The following KIF26B variants were observed in gnomAD, a reference collection of about 807,000 sequenced individuals.
KIF26B encodes kinesin-like protein KIF26B.
A neutral mutation model predicts 151.2 loss-of-function variants in KIF26B; 63 were observed. The ratio of observed to expected loss-of-function variants is 0.42; its 90% CI spans 0.34 to 0.51. The LOEUF (loss-of-function observed/expected upper bound fraction) is 0.51, where lower values mean the gene tolerates loss of function less well. Among genes scored for constraint, KIF26B ranks in the 20% least tolerant of loss-of-function variants. KIF26B has a pLI of 0.07. For synonymous variants in KIF26B, 1,357 were observed against 1,262.1 expected, an observed-to-expected ratio of 1.08 and a Z score of -1.59; for missense variants, 2,813 against 2,913.6, an observed-to-expected ratio of 0.97 and a Z score of 0.79.
chr1:245,595,234 T>C (rs927749037), intron 5 of KIF26B, among the ~76,000 whole-genome samples: 10 of 152,220 alleles, frequency 6.6e-5, no homozygotes, highest in African/African-American at 2.4e-4. Context: ...CATTCTTGTA[T>C]TGTGCTGGTT....
rs2043410124 is a variant in KIF26B, at chr1:245,602,721, G to A, written c.1495G>A (p.Gly499Ser). The change falls in exon 6 of 15, where the codon GGC becomes AGC. Residue 499 changes from glycine (G) to serine (S), a missense_variant. By Grantham distance (56) the Gly-to-Ser change is moderately conservative. Transcript: ENST00000407071. This position sits in a 1 kb window ranked among gnomAD's most constrained non-coding sequence, Gnocchi z 4.5. ...CGGQNAFQKR[G>S]NQVPPKMFAF... is the part of the protein sequence containing the mutation. Reference sequence around the variant, plus strand: ...AGGTCAAAATGCCTTCCAAAAGAGAGGCAACCAGGTTCCTCCAAAGATGTT... The same window carrying A: ...AGGTCAAAATGCCTTCCAAAAGAGAAGCAACCAGGTTCCTCCAAAGATGTT... 6.2e-7 allele frequency: 1 copy of A among 1,613,936 alleles called. No individual in the cohort carries two copies. The highest frequency in any genetic ancestry group is 1.3e-5 in the African/African-American group (1 of 74,932).
rs1672307678 is a variant in KIF26B, at chr1:245,340,129, G to T, written c.466-26705G>T. 2.0e-5 allele frequency among the ~76,000 whole-genome samples: 3 copies of T among 152,148 alleles called. No homozygotes were observed. In the South Asian group the frequency reaches 6.2e-4, roughly 32 times the overall value. On this transcript the variant is annotated intron_variant, in intron 2 of 14. Coordinates refer to ENST00000407071, the MANE Select transcript of KIF26B (RefSeq NM_018012.4). ...AGCTGAGCTAGAGTCTCATTGGAGG[G>T]TACAATTGTCTCTGAGTATCAGTGG... is the stretch of plus-strand genomic sequence containing the variant.
At chr1:245,311,554 A>C (rs535837560) in intron 2 of KIF26B, among the ~76,000 whole-genome samples, 1 of 151,890 alleles carries the variant, frequency 6.6e-6, no homozygotes, top group South Asian at 2.1e-4. Flanking sequence ...GTGAGCAGAG[A>C]TCACACCACT....
intron 2 of KIF26B, among the ~76,000 whole-genome samples, chr1:245,255,119 C>T (rs1670509009): frequency 6.6e-5 from 10 of 152,194 alleles, no homozygotes; most frequent in Admixed American, 6.5e-4. Flanking sequence ...TAGCCTCCTT[C>T]TCTTGCTCTC....
intron 4 of KIF26B, among the ~76,000 whole-genome samples, chr1:245,500,345 C>A (rs1460985970): frequency 6.6e-6 from 1 of 152,168 alleles, no homozygotes; most frequent in East Asian, 1.9e-4. Context: ...CAAACTGATT[C>A]TGAAATAAGA....
At chr1:245,341,940 A>G (rs1672342692) in intron 2 of KIF26B, among the ~76,000 whole-genome samples, 1 of 152,182 alleles carries the variant, frequency 6.6e-6, no homozygotes, top group South Asian at 2.1e-4. Context: ...TTAGCATGAC[A>G]TTGTATCACA....
At chr1:245,661,018 A>C in intron 10 of KIF26B, among the ~76,000 whole-genome samples, 1 of 140,396 alleles carries the variant, frequency 7.1e-6, no homozygotes. Context: ...ACAGAGTCTC[A>C]CTCTGTTGTC....
intron 2 of KIF26B, among the ~76,000 whole-genome samples, chr1:245,288,034 G>T (rs533272284): frequency 6.6e-6 from 1 of 151,502 alleles, no homozygotes; most frequent in Non-Finnish European, 1.5e-5. Context: ...GCAGAATCAA[G>T]TTCCATATAC....
intron 2 of KIF26B, among the ~76,000 whole-genome samples, chr1:245,254,503 T>G (rs143544928): frequency 6.6e-6 from 1 of 152,328 alleles, no homozygotes; most frequent in African/African-American, 2.4e-5. Flanking sequence ...TGATGACTTA[T>G]TTTTGAAAGG....
At chr1:245,311,909 G>A (rs1030086130) in intron 2 of KIF26B, among the ~76,000 whole-genome samples, 2 of 152,210 alleles carry the variant, frequency 1.3e-5, no homozygotes, top group African/African-American at 4.8e-5. Context: ...CAGCCTGGGC[G>A]ACAGAGCAAG....
At chr1:245,336,709 A>G (rs6668500) in intron 2 of KIF26B, among the ~76,000 whole-genome samples, 43,154 of 151,786 alleles carry the variant, frequency 0.28, 9,886 homozygotes, top group African/African-American at 0.61. Flanking sequence ...ATGCTTTTTG[A>G]CCTTCCTCAC....
intron 4 of KIF26B, among the ~76,000 whole-genome samples, chr1:245,527,679 G>A (rs1449083509): frequency 6.6e-6 from 1 of 150,936 alleles, no homozygotes; most frequent in Non-Finnish European, 1.5e-5. Context: ...GACTACAGGC[G>A]CCTGCAACCA....
At chr1:245,254,323 A>C (rs1670497456) in intron 2 of KIF26B, among the ~76,000 whole-genome samples, 1 of 152,280 alleles carries the variant, frequency 6.6e-6, no homozygotes, top group Admixed American at 6.5e-5. Context: ...TTTCTGCTGG[A>C]TATCGTACCC....
chr1:245,531,987 G>A (rs570776784), intron 4 of KIF26B, among the ~76,000 whole-genome samples: 2 of 152,068 alleles, frequency 1.3e-5, no homozygotes, highest in African/African-American at 2.4e-5. Flanking sequence ...TGTAGTCCTC[G>A]CTACTCTCTA....
chr1:245,277,965 T>C (rs190659546), intron 2 of KIF26B, among the ~76,000 whole-genome samples: 1 of 152,184 alleles, frequency 6.6e-6, no homozygotes, highest in East Asian at 1.9e-4. Context: ...GGCTGGTATC[T>C]CAATTTCACT....
At chr1:245,434,774 T>C (rs1341915824) in intron 4 of KIF26B, among the ~76,000 whole-genome samples, 2 of 152,094 alleles carry the variant, frequency 1.3e-5, no homozygotes, top group Non-Finnish European at 2.9e-5. Flanking sequence ...CCTGGCAGGA[T>C]TGAGCCCCAG....
chr1:245,502,529 C>CAAAAAAAA (rs10596275), intron 4 of KIF26B, among the ~76,000 whole-genome samples: 1 of 96,758 alleles, frequency 1.0e-5, no homozygotes. Flanking sequence ...GATTCTGTCT[C>CAAAAAAAA]AAAAAAAAAA....
chr1:245,300,527 C>T (rs1280709960), intron 2 of KIF26B, among the ~76,000 whole-genome samples: 6 of 149,878 alleles, frequency 4.0e-5, no homozygotes, highest in African/African-American at 1.3e-4. Context: ...TATTTTTTTT[C>T]TTTTTTCTTT....
At chr1:245,199,233 A>G (rs1029843488) in intron 2 of KIF26B, among the ~76,000 whole-genome samples, 5 of 152,052 alleles carry the variant, frequency 3.3e-5, no homozygotes, top group African/African-American at 1.2e-4. Context: ...AAATGTCCTT[A>G]CACTTGTTCC....
Sources: gnomAD v4.1 joint callset for allele counts (sites outside exome capture counted in the v4.1 genomes callset) on GRCh38, gnomAD v4.1.1 for gene constraint, Gnocchi (gnomAD v3.1) non-coding constraint, MANE v1.5 for transcripts, NCBI Gene and HGNC (gene_info 2026-07-23, HGNC 2026-07-21) for gene names.